LINGO1: variants seen among roughly 807,000 people sequenced by gnomAD.
LINGO1 encodes the protein leucine-rich repeat and immunoglobulin-like domain-containing nogo receptor-interacting protein 1.
A neutral mutation model predicts 37.3 loss-of-function variants in LINGO1; 11 were observed. That is an observed-to-expected ratio of 0.29 (90% confidence interval 0.19 to 0.49). The LOEUF (loss-of-function observed/expected upper bound fraction) is 0.49. Among genes scored for constraint, LINGO1 ranks in the 20% least tolerant of loss-of-function variants. The pLI is 0.99. For synonymous variants in LINGO1, 387 were observed against 403.0 expected (o/e 0.96, Z 0.48); for missense variants, 585 against 878.2 (o/e 0.67, Z 4.22).
intron 2 of LINGO1, among the ~76,000 whole-genome samples, chr15:77,719,033 C>T (rs928171366): frequency 6.6e-6 from 1 of 150,454 alleles, no homozygotes; most frequent in African/African-American, 2.4e-5. Flanking sequence ...AGTGGCACAG[C>T]AGCCAAAGTC....
At chr15:77,750,050 G>A (rs564413106) in intron 1 of LINGO1, among the ~76,000 whole-genome samples, 1 of 152,044 alleles carries the variant, frequency 6.6e-6, no homozygotes, top group East Asian at 1.9e-4. Context: ...GACTCAGGCT[G>A]GGCTCTCTCC....
intron 1 of LINGO1, among the ~76,000 whole-genome samples, chr15:77,756,211 C>T (rs1368306574): frequency 6.6e-6 from 1 of 152,176 alleles, no homozygotes; most frequent in Admixed American, 6.5e-5. Context: ...TCTCTGCATC[C>T]CTCCTCCTGT....
At chr15:77,791,552 A>G (rs2076818958), upstream of LINGO1, among the ~76,000 whole-genome samples, 1 of 151,872 alleles carries the variant, frequency 6.6e-6, no homozygotes, top group African/African-American at 2.4e-5. Context: ...GCAGACCATG[A>G]AAGGCCTTGT....
chr15:77,717,904 C>A lies in LINGO1; in HGVS notation c.-195+17088G>T, dbSNP rs556970175. ...CCCGAGTGGAGAAGGAAGGCCCCTG[C>A]TCCATCATCAGCTCATCTGGGCAGT... is the stretch of plus-strand genomic sequence containing the variant. On this transcript the variant is annotated intron_variant, in intron 2 of 3. Coordinates refer to the LINGO1 transcript ENST00000561686. Among the ~76,000 whole-genome samples, 3 of 151,136 alleles carry A rather than the reference C, an allele frequency of 2.0e-5. No individual in the cohort carries two copies. The South Asian group carries it at 6.3e-4, about 32-fold the overall frequency.
chr15:77,676,534 T>C (rs1198701435), intron 3 of LINGO1, among the ~76,000 whole-genome samples: 1 of 152,044 alleles, frequency 6.6e-6, no homozygotes, highest in African/African-American at 2.4e-5. Flanking sequence ...GGCGCAGAAA[T>C]GGCCTATCTC....
At chr15:77,672,315 C>T (rs1275167741) in intron 3 of LINGO1, among the ~76,000 whole-genome samples, 1 of 151,990 alleles carries the variant, frequency 6.6e-6, no homozygotes, top group Non-Finnish European at 1.5e-5. Flanking sequence ...ATACACATCA[C>T]ACCAGCCCCC....
At chr15:77,755,749 C>T (rs1297891517) in intron 1 of LINGO1, among the ~76,000 whole-genome samples, 2 of 152,214 alleles carry the variant, frequency 1.3e-5, no homozygotes, top group Non-Finnish European at 2.9e-5. Flanking sequence ...GCAGCCACCT[C>T]TCCAGCTCTG....
At position 77,749,120 on chromosome 15, in the gene LINGO1, C is replaced by G. The variant is rs2141363143; in HGVS notation, c.-256-14067G>C. ...ACGGGGTTTCGTCATGTTGGTCAGGCTGGTCTCGAACTTCTGACCTTAGGT... is the reference window on the plus strand; with the variant it reads ...ACGGGGTTTCGTCATGTTGGTCAGGGTGGTCTCGAACTTCTGACCTTAGGT... On this transcript the variant is annotated intron_variant, in intron 1 of 3. Transcript: ENST00000561686. Among the ~76,000 whole-genome samples, 4 of 152,048 alleles carry G rather than the reference C, an allele frequency of 2.6e-5. No homozygotes were observed. In the South Asian group the frequency reaches 8.3e-4, roughly 32 times the overall value.
At chr15:77,710,137 G>C (rs373504574) in intron 2 of LINGO1, among the ~76,000 whole-genome samples, 3 of 152,186 alleles carry the variant, frequency 2.0e-5, no homozygotes, top group Non-Finnish European at 4.4e-5. Flanking sequence ...TGGAACCCCA[G>C]GGGGGCAGGG....
intron 2 of LINGO1, among the ~76,000 whole-genome samples, chr15:77,679,004 G>A (rs1044640720): frequency 6.6e-6 from 1 of 152,168 alleles, no homozygotes; most frequent in Non-Finnish European, 1.5e-5. Context: ...TGGTGGGGAA[G>A]TGATTATCCT....
intron 1 of LINGO1, among the ~76,000 whole-genome samples, chr15:77,806,471 C>A (rs1223593488): frequency 6.6e-6 from 1 of 152,190 alleles, no homozygotes; most frequent in African/African-American, 2.4e-5. Flanking sequence ...CCAGCTCCAC[C>A]TGCCTTCAGG....
intron 3 of LINGO1, chr15:77,646,510 C>T (rs776158654): frequency 1.0e-4 from 47 of 451,648 alleles, no homozygotes; most frequent in South Asian, 3.6e-4. Context: ...ACCCCAAATA[C>T]GGTAAGTCTG....
At chr15:77,690,165 C>T (rs4886895) in intron 2 of LINGO1, among the ~76,000 whole-genome samples, 26,239 of 152,150 alleles carry the variant, frequency 0.17, 2,366 homozygotes, top group Admixed American at 0.22. Flanking sequence ...AAACGCTCAC[C>T]CCTCATTCCT....
chr15:77,799,036 A>G (rs12441695), intron 1 of LINGO1, among the ~76,000 whole-genome samples: 27,506 of 152,090 alleles, frequency 0.18, 2,953 homozygotes, highest in Admixed American at 0.32. Context: ...GCCCACGCCC[A>G]CTGTACAGAT....
At chr15:77,811,702 G>C (rs1195947883) in intron 1 of LINGO1, among the ~76,000 whole-genome samples, 3 of 152,142 alleles carry the variant, frequency 2.0e-5, no homozygotes, top group African/African-American at 4.8e-5. Flanking sequence ...AGGATAAAAT[G>C]AAAAAAATTT....
chr15:77,699,777 C>CTGCA, upstream of LINGO1, among the ~76,000 whole-genome samples: 1 of 4,672 alleles, frequency 2.1e-4, no homozygotes, highest in Admixed American at 1.9e-3. Flanking sequence ...ACCATCATTC[C>CTGCA]CCCCCTCTAC....
At chr15:77,765,732 A>G (rs2076521598) in intron 1 of LINGO1, among the ~76,000 whole-genome samples, 1 of 152,122 alleles carries the variant, frequency 6.6e-6, no homozygotes, top group Non-Finnish European at 1.5e-5. Flanking sequence ...TTGAGTTTGT[A>G]CGCTGAATTT....
intron 2 of LINGO1, among the ~76,000 whole-genome samples, chr15:77,793,677 C>T (rs1433389502): frequency 6.6e-6 from 1 of 152,242 alleles, no homozygotes; most frequent in Non-Finnish European, 1.5e-5. Flanking sequence ...CACTATGGTA[C>T]ACGCAGGCTG....
chr15:77,631,662 G>C (rs564448114), intron 1 of LINGO1, among the ~76,000 whole-genome samples: 1 of 152,356 alleles, frequency 6.6e-6, no homozygotes, highest in East Asian at 1.9e-4. Context: ...AATGAAAAGT[G>C]GGGCAAGAGG....
Sources: gnomAD v4.1 joint callset for allele counts (sites outside exome capture counted in the v4.1 genomes callset) on GRCh38, gnomAD v4.1.1 for gene constraint, MANE v1.5 for transcripts, NCBI Gene and HGNC (gene_info 2026-07-23, HGNC 2026-07-21) for gene names.